The following NTRK2 variants were observed in gnomAD, a reference collection of about 807,000 sequenced individuals.
NTRK2 encodes neurotrophic receptor tyrosine kinase 2, also known as BDNF/NT-3 growth factors receptor.
A neutral mutation model predicts 94.5 loss-of-function variants in NTRK2; 13 were observed. The observed-to-expected ratio is 0.14, with a 90% CI of 0.09 to 0.22. The LOEUF is 0.22. Ranked by LOEUF, NTRK2 falls within the 10% of genes least tolerant of loss-of-function variation. The pLI, the probability that NTRK2 is intolerant of heterozygous loss-of-function variation, is 1.00. For synonymous variants in NTRK2, 372 were observed against 407.4 expected (o/e 0.91, Z 1.05); for missense variants, 639 against 1,071.2 (o/e 0.60, Z 5.63).
intron 14 of NTRK2, among the ~76,000 whole-genome samples, chr9:84,899,613 A>G (rs1206831037): frequency 6.6e-6 from 1 of 152,228 alleles, no homozygotes; most frequent in Non-Finnish European, 1.5e-5. Flanking sequence ...CAAGAATTGG[A>G]ACCAGCTGAG....
At chr9:84,760,825 A>G (rs1475328185) in intron 12 of NTRK2, among the ~76,000 whole-genome samples, 1 of 152,226 alleles carries the variant, frequency 6.6e-6, no homozygotes, top group Non-Finnish European at 1.5e-5. Flanking sequence ...ACCTCATGGA[A>G]ACTTCTAATG....
chr9:84,882,705 T>TGCGC (rs1298047740), intron 14 of NTRK2, among the ~76,000 whole-genome samples: 2 of 149,090 alleles, frequency 1.3e-5, no homozygotes, highest in African/African-American at 5.1e-5. Context: ...CTAGTGTGTG[T>TGCGC]GTGTGTGTGT....
chr9:84,788,509 G>A (rs1055144806), intron 12 of NTRK2, among the ~76,000 whole-genome samples: 1 of 152,194 alleles, frequency 6.6e-6, no homozygotes, highest in African/African-American at 2.4e-5. Context: ...TTCCACCCCA[G>A]TCCTAGAGAC....
At chr9:84,864,590 G>A (rs1317555680) in intron 13 of NTRK2, among the ~76,000 whole-genome samples, 2 of 152,172 alleles carry the variant, frequency 1.3e-5, no homozygotes, top group African/African-American at 2.4e-5. Flanking sequence ...AGCCTTGGCT[G>A]CAGTCCTTCA....
chr9:84,953,844 G>C lies in NTRK2; in HGVS notation c.1938-1439G>C, dbSNP rs572316488. Among the ~76,000 whole-genome samples, 18 of 152,316 alleles carry C rather than the reference G, an allele frequency of 1.2e-4. No homozygotes were observed. In the South Asian group the frequency reaches 1.2e-3, roughly 11 times the overall value. Reference sequence around the variant, plus strand: ...TGGCATTGGACGCTGGTAGGCCTGGGAGACCCCCCAACTCCTGTCCAGTGT... The same window carrying C: ...TGGCATTGGACGCTGGTAGGCCTGGCAGACCCCCCAACTCCTGTCCAGTGT... On this transcript the variant is annotated intron_variant, in intron 16 of 18. Transcript: ENST00000277120.
At chr9:84,957,767 A>C (rs1824333252) in intron 17 of NTRK2, among the ~76,000 whole-genome samples, 1 of 152,252 alleles carries the variant, frequency 6.6e-6, no homozygotes, top group Admixed American at 6.5e-5. Context: ...CTGAAATAAT[A>C]TGTTCCCACA....
At chr9:84,814,304 G>T in intron 12 of NTRK2, 1 of 1,065,328 alleles carries the variant, frequency 9.4e-7, no homozygotes, top group Non-Finnish European at 1.1e-6. Flanking sequence ...ACCTCTTCAG[G>T]GGTGTGTGGA....
At chr9:84,937,145 G>T (rs2078239878) in intron 15 of NTRK2, among the ~76,000 whole-genome samples, 1 of 152,188 alleles carries the variant, frequency 6.6e-6, no homozygotes, top group African/African-American at 2.4e-5. Context: ...CTATAGTTCA[G>T]CCCTGACCAC....
At position 84,679,845 on chromosome 9, in the gene NTRK2, A is replaced by T. The variant is rs150316532; in HGVS notation, c.212+8885A>T. On this transcript the variant is annotated intron_variant, in intron 2 of 18. Transcript: ENST00000277120. Reference sequence around the variant, plus strand: ...TGCCGTTGAGGCTGGATGGTTTTGCAGGTCACCAGCTTCCTGCCATCCTGG... The same window carrying T: ...TGCCGTTGAGGCTGGATGGTTTTGCTGGTCACCAGCTTCCTGCCATCCTGG... Among the ~76,000 whole-genome samples, 364 of 152,302 alleles carry T rather than the reference A, an allele frequency of 2.4e-3. 12 individuals are homozygous for T. Among genetic ancestry groups the T allele is most frequent in the Non-Finnish European group, 2.5e-3 (173 of 68,018 alleles).
At chr9:84,888,828 C>T (rs1252402996) in intron 14 of NTRK2, among the ~76,000 whole-genome samples, 1 of 151,618 alleles carries the variant, frequency 6.6e-6, no homozygotes, top group Non-Finnish European at 1.5e-5. Context: ...CAGAGACCTG[C>T]TTCAACCCAT....
In NTRK2 at chr9:84,955,384, T is replaced by C; in HGVS notation, c.2039T>C (p.Met680Thr). 6.2e-7 allele frequency: 1 copy of C among 1,614,152 alleles called. No individual in the cohort carries two copies. The highest frequency in any genetic ancestry group is 8.5e-7 in the Non-Finnish European group (1 of 1,180,010). The change falls in exon 17 of 19, where the codon ATG (methionine) becomes ACG (threonine). Residue 680 changes from methionine (M) to threonine (T), a missense_variant. By Grantham distance (81) the Met-to-Thr change is moderately conservative. Coordinates refer to ENST00000277120, the MANE Select transcript of NTRK2 (RefSeq NM_006180.6). The part of the protein sequence containing the change: ...LHIAQQIAAG[M>T]VYLASQHFVH... ...ATAGCCCAGCAGATCGCCGCGGGCATGGTCTACCTGGCGTCCCAGCACTTC... is the reference window on the plus strand; with the variant it reads ...ATAGCCCAGCAGATCGCCGCGGGCACGGTCTACCTGGCGTCCCAGCACTTC...
chr9:84,820,069 T>C (rs1279735307), intron 12 of NTRK2, among the ~76,000 whole-genome samples: 1 of 152,120 alleles, frequency 6.6e-6, no homozygotes, highest in African/African-American at 2.4e-5. Flanking sequence ...AATGTGGGGG[T>C]TAAGGGCACC....
At chr9:84,816,709 G>T (rs780514257) in intron 12 of NTRK2, among the ~76,000 whole-genome samples, 2 of 150,346 alleles carry the variant, frequency 1.3e-5, no homozygotes, top group Non-Finnish European at 2.9e-5. Flanking sequence ...AACCCAGGAG[G>T]TGGAGTTTGC....
At chr9:84,806,148 A>G (rs537508948) in intron 12 of NTRK2, among the ~76,000 whole-genome samples, 2 of 152,314 alleles carry the variant, frequency 1.3e-5, no homozygotes, top group South Asian at 4.1e-4. Flanking sequence ...AAATGTATAG[A>G]TGTGCTCCCT....
At chr9:84,707,274 C>T (rs1588084654) in intron 4 of NTRK2, among the ~76,000 whole-genome samples, 1 of 151,936 alleles carries the variant, frequency 6.6e-6, no homozygotes, top group South Asian at 2.1e-4. Context: ...TCCTTGTTAC[C>T]TAATTTTTGT....
At chr9:84,688,129 T>C (rs1261040490) in intron 2 of NTRK2, among the ~76,000 whole-genome samples, 1 of 152,116 alleles carries the variant, frequency 6.6e-6, no homozygotes, top group Non-Finnish European at 1.5e-5. Context: ...GAGTAGGGAA[T>C]TCTGGGATCC....
chr9:84,726,429 G>A (rs2132061675), intron 8 of NTRK2, among the ~76,000 whole-genome samples: 1 of 152,342 alleles, frequency 6.6e-6, no homozygotes, highest in African/African-American at 2.4e-5. Flanking sequence ...AGAGGTTGCA[G>A]TAAGCTGTGA....
chr9:84,985,327 T>G (rs1362275383), intron 17 of NTRK2, among the ~76,000 whole-genome samples: 1 of 152,208 alleles, frequency 6.6e-6, no homozygotes, highest in African/African-American at 2.4e-5. Context: ...TAACATTTAT[T>G]GAGCCTTACT....
At chr9:84,848,398 A>T (rs193114937) in intron 12 of NTRK2, among the ~76,000 whole-genome samples, 1 of 152,312 alleles carries the variant, frequency 6.6e-6, no homozygotes, top group Admixed American at 6.5e-5. Context: ...CTGAGAATAA[A>T]TGTACCCAGG....
Sources: allele counts gnomAD v4.1 joint callset (sites outside exome capture counted in the v4.1 genomes callset), GRCh38; gene constraint gnomAD v4.1.1; transcripts MANE v1.5; gene names NCBI Gene and HGNC (gene_info 2026-07-23, HGNC 2026-07-21).